RNF144B: variants seen among roughly 807,000 people sequenced by gnomAD.
The protein encoded by RNF144B is ring finger protein 144B, also known as E3 ubiquitin-protein ligase RNF144B.
Under a neutral mutation model 40.2 loss-of-function variants are expected in RNF144B, and 25 were observed. That is an observed-to-expected ratio of 0.62 (90% CI 0.45 to 0.87). The LOEUF is 0.87. Ranked by LOEUF, RNF144B falls within the 40% of genes least tolerant of loss-of-function variation. The pLI, the probability that RNF144B is intolerant of heterozygous loss-of-function variation, is 0.00. For synonymous variants in RNF144B, 145 were observed against 136.3 expected (o/e 1.06, Z -0.44); for missense variants, 365 against 373.7 (o/e 0.98, Z 0.19).
At chr6:18,409,375 C>CAA (rs770011648) in intron 2 of RNF144B, among the ~76,000 whole-genome samples, 2,719 of 59,546 alleles carry the variant, frequency 0.046, 233 homozygotes, top group East Asian at 0.14. Flanking sequence ...GAGACTGTCT[C>CAA]AAAAAAAAAA....
At position 18,454,294 on chromosome 6, in the gene RNF144B, G is replaced by T. The variant is rs184436726; in HGVS notation, c.332-2861G>T. Among the ~76,000 whole-genome samples the T allele has an allele frequency of 1.1e-4, 17 of 152,310 alleles. No homozygotes were observed. The East Asian group carries it at 3.3e-3, about 29-fold the overall frequency. The stretch of plus-strand genomic sequence containing the variant: ...AAGACTTAGTTTCATGGAATTGTGG[G>T]AAAGAATATCTCTAGAATATTCAGA... On this transcript the variant is annotated intron_variant, in intron 4 of 7. Transcript: ENST00000259939.
intron 6 of RNF144B, among the ~76,000 whole-genome samples, chr6:18,461,983 T>C (rs532652325): frequency 1.3e-5 from 2 of 152,302 alleles, no homozygotes; most frequent in African/African-American, 4.8e-5. Context: ...CCTATTCCTG[T>C]CCATAGCCTT....
chr6:18,403,028 A>G (rs12199402), intron 2 of RNF144B, among the ~76,000 whole-genome samples: 23,548 of 152,204 alleles, frequency 0.15, 2,330 homozygotes, highest in East Asian at 0.29. Context: ...TAGCATAATT[A>G]CTTGTTCTAT....
chr6:18,388,661 G>A (rs1159591469), intron 1 of RNF144B, among the ~76,000 whole-genome samples: 1 of 152,090 alleles, frequency 6.6e-6, no homozygotes, highest in East Asian at 1.9e-4. Flanking sequence ...ATGGACAGCA[G>A]TGCCTTAAAT....
At chr6:18,402,926 A>T (rs1052904258) in intron 2 of RNF144B, among the ~76,000 whole-genome samples, 3 of 152,378 alleles carry the variant, frequency 2.0e-5, no homozygotes, top group African/African-American at 4.8e-5. Flanking sequence ...AAAATTGGGC[A>T]TAGTTCTTAC....
In RNF144B at chr6:18,459,473, T is replaced by C. The variant is rs879615091; in HGVS notation, c.537-134T>C. On this transcript the variant is annotated intron_variant, in intron 5 of 7. Coordinates refer to ENST00000259939, the MANE Select transcript of RNF144B (RefSeq NM_182757.4). The surrounding 1 kb of genome is among the most constrained non-coding windows in gnomAD (Gnocchi z 4.2). ...AGTTATCTGTACATCTAATAATGTT[T>C]TTGCCCACACCCTTTCTTTTGGAAG... 3.9e-6 allele frequency: 3 copies of C among 777,004 alleles called. No homozygotes were observed. The highest frequency in any genetic ancestry group is 1.7e-5 in the African/African-American group (1 of 57,904). The allele number at this position is 777,004 out of a possible 1,614,324, so 48.1% of individuals were successfully genotyped here.
rs565991680 is a variant in RNF144B at position 18,410,811 on chromosome 6, C to A, written c.165+11112C>A. Among the ~76,000 whole-genome samples, 2 of 152,210 alleles carry A rather than the reference C, an allele frequency of 1.3e-5. No individual in the cohort carries two copies. The highest frequency in any genetic ancestry group is 2.1e-4 in the South Asian group (1 of 4,818). ...GCAAGGCTGGAGCAGGAGGAGGGAACCATGGCAGGCTGAAGCAGAGCTCGG... is the reference window on the plus strand; with the variant it reads ...GCAAGGCTGGAGCAGGAGGAGGGAAACATGGCAGGCTGAAGCAGAGCTCGG... On this transcript the variant is annotated intron_variant, in intron 2 of 7. Coordinates refer to ENST00000259939, the MANE Select transcript of RNF144B (RefSeq NM_182757.4). The surrounding 1 kb of genome is among the most constrained non-coding windows in gnomAD (Gnocchi z 4.6).
At chr6:18,413,136 T>A (rs74534288) in intron 2 of RNF144B, among the ~76,000 whole-genome samples, 1 of 152,264 alleles carries the variant, frequency 6.6e-6, no homozygotes, top group East Asian at 1.9e-4. Flanking sequence ...ATAGTGTCGT[T>A]TGGAAGAAAT....
rs536690323 is a variant in RNF144B at position 18,442,448 on chromosome 6, A to C, written c.331+2704A>C. 6.6e-6 allele frequency among the ~76,000 whole-genome samples: 1 copy of C among 152,350 alleles called. No homozygotes were observed. The highest frequency in any genetic ancestry group is 2.4e-5 in the African/African-American group (1 of 41,576). ...TCTTATTTTATAGATGAAGAAACTGAAAACAGGACAGATTGAGACTTGCCT... is the reference window on the plus strand; with the variant it reads ...TCTTATTTTATAGATGAAGAAACTGCAAACAGGACAGATTGAGACTTGCCT... On this transcript the variant is annotated intron_variant, in intron 4 of 7. Coordinates refer to ENST00000259939, the MANE Select transcript of RNF144B (RefSeq NM_182757.4). The surrounding 1 kb of genome is among the most constrained non-coding windows in gnomAD (Gnocchi z 4.3).
chr6:18,408,502 T>C lies in RNF144B; in HGVS notation c.165+8803T>C, dbSNP rs1582406782. Among the ~76,000 whole-genome samples the C allele has an allele frequency of 2.0e-5, 3 of 152,354 alleles. No individual in the cohort carries two copies. The East Asian group carries it at 5.8e-4, about 29-fold the overall frequency. ...AAATTAGCATGATCTTATTCTATTT[T>C]GGATGGAAACATGACTGTAGTGGAA... On this transcript the variant is annotated intron_variant, in intron 2 of 7. Coordinates refer to ENST00000259939, the MANE Select transcript of RNF144B (RefSeq NM_182757.4).
rs893537729 is a variant in RNF144B at position 18,434,707 on chromosome 6, C to T, written c.271-4977C>T. On this transcript the variant is annotated intron_variant, in intron 3 of 7. Coordinates refer to ENST00000259939, the MANE Select transcript of RNF144B (RefSeq NM_182757.4). This position sits in a 1 kb window ranked among gnomAD's most constrained non-coding sequence, Gnocchi z 4.1. Reference sequence around the variant, plus strand: ...TGCGATCTCGGCTCACTGCAAGCTCCGCCTCCCAGGTTCATGCCATTCTGC... The same window carrying T: ...TGCGATCTCGGCTCACTGCAAGCTCTGCCTCCCAGGTTCATGCCATTCTGC... Among the ~76,000 whole-genome samples, 4 of 152,082 alleles carry T rather than the reference C, an allele frequency of 2.6e-5. No homozygotes were observed. Among genetic ancestry groups the T allele is most frequent in the African/African-American group, 9.7e-5 (4 of 41,404 alleles).
intron 2 of RNF144B, among the ~76,000 whole-genome samples, chr6:18,401,654 T>A (rs1345770029): frequency 1.3e-5 from 2 of 152,340 alleles, no homozygotes; most frequent in East Asian, 3.9e-4. Flanking sequence ...TGACTTAAAA[T>A]GTGTCTAATA....
In RNF144B at chr6:18,410,739, A is replaced by G. The variant is rs1350452367; in HGVS notation, c.165+11040A>G. Reference sequence around the variant, plus strand: ...CTGGAAGGCTTTGTTTGGGAATGAGATAGGGAGGATGGCGTCGGTACAGGA... The same window carrying G: ...CTGGAAGGCTTTGTTTGGGAATGAGGTAGGGAGGATGGCGTCGGTACAGGA... On this transcript the variant is annotated intron_variant, in intron 2 of 7. Transcript: ENST00000259939. This position sits in a 1 kb window ranked among gnomAD's most constrained non-coding sequence, Gnocchi z 4.6. Among the ~76,000 whole-genome samples, 1 of 152,114 alleles carries G rather than the reference A, an allele frequency of 6.6e-6. No individual in the cohort carries two copies. The highest frequency in any genetic ancestry group is 1.5e-5 in the Non-Finnish European group (1 of 68,020).
intron 4 of RNF144B, among the ~76,000 whole-genome samples, chr6:18,453,709 A>G (rs2113531071): frequency 6.6e-6 from 1 of 152,326 alleles, no homozygotes; most frequent in Admixed American, 6.5e-5. Flanking sequence ...ACACATTTCC[A>G]TGTGCCTCAC....
chr6:18,426,802 G>T (rs952274320), intron 2 of RNF144B, among the ~76,000 whole-genome samples: 1 of 145,212 alleles, frequency 6.9e-6, no homozygotes, highest in South Asian at 2.2e-4. Flanking sequence ...GTCTTCTCTG[G>T]GTTTCATTTT....
chr6:18,421,052 C>G (rs1397286545), intron 2 of RNF144B, among the ~76,000 whole-genome samples: 1 of 151,706 alleles, frequency 6.6e-6, no homozygotes, highest in African/African-American at 2.4e-5. Flanking sequence ...CTCAGGAGTT[C>G]AAGATCAGCC....
intron 2 of RNF144B, 130 bp from the exon 3 acceptor site, chr6:18,427,451 A>C (rs1758582525): frequency 5.2e-6 from 3 of 580,290 alleles, no homozygotes; most frequent in Non-Finnish European, 6.1e-6. Context: ...ACTTGTGATA[A>C]CTTATGTTTC....
rs1220550494 is a variant in RNF144B, at chr6:18,450,524, C to G, written c.332-6631C>G. 1.3e-5 allele frequency among the ~76,000 whole-genome samples: 2 copies of G among 152,136 alleles called. No individual in the cohort carries two copies. Among genetic ancestry groups the G allele is most frequent in the African/African-American group, 4.8e-5 (2 of 41,406 alleles). ...ATGTTGGCCAGGCTGGTCTCGAACT[C>G]CTGACCTCAGGTGATCCACCCACCT... On this transcript the variant is annotated intron_variant, in intron 4 of 7. Coordinates refer to ENST00000259939, the MANE Select transcript of RNF144B (RefSeq NM_182757.4). The surrounding 1 kb of genome is among the most constrained non-coding windows in gnomAD (Gnocchi z 4.7).
intron 4 of RNF144B, among the ~76,000 whole-genome samples, chr6:18,455,001 G>A (rs757727135): frequency 2.0e-5 from 3 of 152,142 alleles, no homozygotes; most frequent in Admixed American, 6.5e-5. Context: ...GAAGGGAAGC[G>A]AAGTAGATAT....
Sources: allele counts gnomAD v4.1 joint callset (sites outside exome capture counted in the v4.1 genomes callset), GRCh38; gene constraint gnomAD v4.1.1; non-coding constraint Gnocchi (gnomAD v3.1); transcripts MANE v1.5; gene names NCBI Gene and HGNC (gene_info 2026-07-23, HGNC 2026-07-21).